The following ADAMTS2 variants were observed in gnomAD, a reference collection of about 807,000 sequenced individuals.
ADAMTS2 encodes ADAM metallopeptidase with thrombospondin type 1 motif 2.
A neutral mutation model predicts 123.0 loss-of-function variants in ADAMTS2; 50 were observed. The ratio of observed to expected loss-of-function variants is 0.41; its 90% CI spans 0.32 to 0.51. The LOEUF (loss-of-function observed/expected upper bound fraction) is 0.51. Among genes scored for constraint, ADAMTS2 ranks in the 20% least tolerant of loss-of-function variants. The pLI, the probability that ADAMTS2 is intolerant of heterozygous loss-of-function variation, is 0.35. For missense variants in ADAMTS2, 1,494 were observed against 1,705.2 expected, an observed-to-expected ratio of 0.88 and a Z score of 2.18; for synonymous variants, 678 against 695.4, an observed-to-expected ratio of 0.98 and a Z score of 0.39.
At position 179,129,850 on chromosome 5, in the gene ADAMTS2, A is replaced by T; in HGVS notation, c.2457+82T>A. On this transcript the variant is annotated intron_variant, in intron 16 of 21. Transcript: ENST00000251582. The surrounding 1 kb of genome is among the most constrained non-coding windows in gnomAD (Gnocchi z 4.1). The stretch of plus-strand genomic sequence containing the variant: ...GCAGAGTGTCACCTGAAGGGTCAGG[A>T]GGCTCAGCGTCCCAGGCACCCCCAT... 1 of 1,575,568 alleles carries T rather than the reference A, an allele frequency of 6.3e-7. No individual in the cohort carries two copies. Among genetic ancestry groups the T allele is most frequent in the Non-Finnish European group, 8.7e-7 (1 of 1,155,358 alleles).
At chr5:179,320,748 T>C (rs1757146169) in intron 2 of ADAMTS2, among the ~76,000 whole-genome samples, 1 of 152,224 alleles carries the variant, frequency 6.6e-6, no homozygotes, top group South Asian at 2.1e-4. Flanking sequence ...TCTGACTACA[T>C]GAACATAGCT....
rs1765323366 is a variant in ADAMTS2 at position 179,227,898 on chromosome 5, G to A, written c.689-20183C>T. On this transcript the variant is annotated intron_variant, in intron 3 of 21. Coordinates refer to ENST00000251582, the MANE Select transcript of ADAMTS2 (RefSeq NM_014244.5). ...GAGCCAGGAAGGAGGGTGGAAGGCA[G>A]GGGAGGCAGCGTGTGGACAAAGACT... Among the ~76,000 whole-genome samples the A allele has an allele frequency of 2.6e-5, 4 of 152,276 alleles. No homozygotes were observed. The South Asian group carries it at 8.3e-4, about 32-fold the overall frequency.
At chr5:179,223,562 A>G (rs1326855450) in intron 3 of ADAMTS2, among the ~76,000 whole-genome samples, 5 of 145,944 alleles carry the variant, frequency 3.4e-5, no homozygotes, top group Non-Finnish European at 4.5e-5. Flanking sequence ...ACTCACACAC[A>G]CGCGAATGCA....
At position 179,154,095 on chromosome 5, in the gene ADAMTS2, A is replaced by G; in HGVS notation, c.1336T>C (p.Phe446Leu). The change falls in exon 8 of 22, where the codon TTC becomes CTC. Residue 446 changes from phenylalanine to leucine, a missense_variant. By Grantham distance (22) the Phe-to-Leu change is conservative. Around this residue, in one of 6 missense-constraint regions of ADAMTS2, gnomAD observed 953 missense variants for 1,124.7 expected, o/e 0.85. Coordinates refer to ENST00000251582, the MANE Select transcript of ADAMTS2 (RefSeq NM_014244.5). ...APLVQAAFHR[F>L]HWSRCSQQEL... Reference sequence around the variant, plus strand: ...TGCTGGCTGCAGCGGGACCAGTGGAAGCGGTGGAAGGCGGCCTGCACCAGG... The same window carrying G: ...TGCTGGCTGCAGCGGGACCAGTGGAGGCGGTGGAAGGCGGCCTGCACCAGG... The G allele has an allele frequency of 6.2e-7, 1 of 1,603,684 alleles. No homozygotes were observed. The highest frequency in any genetic ancestry group is 8.5e-7 in the Non-Finnish European group (1 of 1,178,268).
intron 18 of ADAMTS2, among the ~76,000 whole-genome samples, chr5:179,125,688 G>C (rs1762842238): frequency 6.6e-6 from 1 of 152,252 alleles, no homozygotes; most frequent in Non-Finnish European, 1.5e-5. Context: ...GAACGTCAAA[G>C]CCACTGCTTA....
intron 10 of ADAMTS2, among the ~76,000 whole-genome samples, chr5:179,144,904 C>A (rs1274945820): frequency 6.6e-6 from 1 of 152,190 alleles, no homozygotes; most frequent in Admixed American, 6.5e-5. Context: ...AAATTAAACA[C>A]TTTTGCACCT....
chr5:179,247,366 A>G (rs1036243278), intron 3 of ADAMTS2, among the ~76,000 whole-genome samples: 3 of 152,126 alleles, frequency 2.0e-5, no homozygotes, highest in Admixed American at 6.5e-5. Context: ...AGAATGAGGA[A>G]AAAGGAACAG....
intron 2 of ADAMTS2, among the ~76,000 whole-genome samples, chr5:179,342,643 C>T (rs1319935889): frequency 1.3e-5 from 2 of 152,210 alleles, no homozygotes; most frequent in Non-Finnish European, 2.9e-5. Context: ...GCCACTCACT[C>T]GGGGCAGGAG....
At position 179,207,411 on chromosome 5, in the gene ADAMTS2, G is replaced by A. The variant is rs140960819; in HGVS notation, c.891+102C>T. ...CTCACCTCCGGCTAACAAGGAAATC[G>A]GCAGAGCCTCAGGGGACCTGGCCCA... On this transcript the variant is annotated intron_variant, in intron 4 of 21. Coordinates refer to ENST00000251582, the MANE Select transcript of ADAMTS2 (RefSeq NM_014244.5). 1.7e-3 allele frequency: 2,162 copies of A among 1,253,832 alleles called. 16 individuals are homozygous for A. Among genetic ancestry groups the A allele is most frequent in the African/African-American group, 0.014 (968 of 68,170 alleles). The allele number at this position is 1,253,832 out of a possible 1,614,324, so 77.7% of individuals were successfully genotyped here.
chr5:179,283,309 C>T (rs1483532762), intron 2 of ADAMTS2, among the ~76,000 whole-genome samples: 1 of 151,594 alleles, frequency 6.6e-6, no homozygotes, highest in African/African-American at 2.4e-5. Flanking sequence ...CAAACAAGCC[C>T]ACAACAATCA....
In ADAMTS2 at chr5:179,230,280, T is replaced by C. The variant is rs937624251; in HGVS notation, c.689-22565A>G. 2.6e-5 allele frequency among the ~76,000 whole-genome samples: 4 copies of C among 152,052 alleles called. No individual in the cohort carries two copies. In the South Asian group the frequency reaches 8.3e-4, roughly 32 times the overall value. ...GAGGCAGAGGATGGGCAATGTGGGA[T>C]TACCAGAAAGTGCGGTCTGGACATC... On this transcript the variant is annotated intron_variant, in intron 3 of 21. Coordinates refer to ENST00000251582, the MANE Select transcript of ADAMTS2 (RefSeq NM_014244.5).
intron 15 of ADAMTS2, among the ~76,000 whole-genome samples, chr5:179,131,657 G>A (rs1762965133): frequency 1.3e-5 from 2 of 152,068 alleles, no homozygotes; most frequent in Non-Finnish European, 2.9e-5. Context: ...CCTCCCGCGT[G>A]GCCTGGGAGG....
rs557427467 is a variant in ADAMTS2, at chr5:179,314,973, C to T, written c.534+28794G>A. 7.4e-4 allele frequency among the ~76,000 whole-genome samples: 113 copies of T among 152,228 alleles called. No individual in the cohort carries two copies. The highest frequency in any genetic ancestry group is 2.6e-3 in the African/African-American group (106 of 41,534). ...CCCAGAGCCTAATCACAGCCAGCTACGCCCCCTTCTCCCAGTTATTCAAGC... is the reference window on the plus strand; with the variant it reads ...CCCAGAGCCTAATCACAGCCAGCTATGCCCCCTTCTCCCAGTTATTCAAGC... On this transcript the variant is annotated intron_variant, in intron 2 of 21. Transcript: ENST00000251582. This position sits in a 1 kb window ranked among gnomAD's most constrained non-coding sequence, Gnocchi z 4.5.
At chr5:179,327,920 C>G (rs2095698001) in intron 2 of ADAMTS2, among the ~76,000 whole-genome samples, 1 of 152,096 alleles carries the variant, frequency 6.6e-6, no homozygotes, top group African/African-American at 2.4e-5. Flanking sequence ...AAAAAAGGAA[C>G]CAAATAATAA....
chr5:179,153,631 G>A lies in ADAMTS2; in HGVS notation c.1383-8C>T, dbSNP rs748944006. The A allele has an allele frequency of 3.7e-6, 6 of 1,600,514 alleles. No individual in the cohort carries two copies. In the African/African-American group the frequency reaches 8.0e-5, roughly 21 times the overall value. ...AGCAGGCAGTCATAGGAGCTGTGGGGGACACACGGTGCCGCGAGCAGCCTT... is the reference window on the plus strand; with the variant it reads ...AGCAGGCAGTCATAGGAGCTGTGGGAGACACACGGTGCCGCGAGCAGCCTT... On this transcript the variant is annotated splice_polypyrimidine_tract_variant and splice_region_variant and intron_variant, in intron 8 of 21. Transcript: ENST00000251582.
chr5:179,305,497 T>A (rs866289714), intron 2 of ADAMTS2, among the ~76,000 whole-genome samples: 4 of 152,198 alleles, frequency 2.6e-5, no homozygotes, highest in Middle Eastern at 3.4e-3. Context: ...TTTATTATAA[T>A]CCCTGGAGCA....
chr5:179,156,707 A>G (rs559664593), intron 6 of ADAMTS2, among the ~76,000 whole-genome samples: 1 of 152,094 alleles, frequency 6.6e-6, no homozygotes, highest in East Asian at 1.9e-4. Flanking sequence ...TTTTATACAA[A>G]TGGTTTGTTG....
chr5:179,242,290 G>C lies in ADAMTS2; in HGVS notation c.688+30621C>G, dbSNP rs1234447573. 6.6e-6 allele frequency among the ~76,000 whole-genome samples: 1 copy of C among 152,158 alleles called. No homozygotes were observed. Among genetic ancestry groups the C allele is most frequent in the Non-Finnish European group, 1.5e-5 (1 of 68,028 alleles). On this transcript the variant is annotated intron_variant, in intron 3 of 21. Transcript: ENST00000251582. The surrounding 1 kb of genome is among the most constrained non-coding windows in gnomAD (Gnocchi z 4.2). ...CCTGCTGTCTTGCTCGCGTGTGCCAGCAAATCTCCTTTTCTTGGCTTAATT... is the reference window on the plus strand; with the variant it reads ...CCTGCTGTCTTGCTCGCGTGTGCCACCAAATCTCCTTTTCTTGGCTTAATT...
chr5:179,232,779 C>CT (rs70997671), intron 3 of ADAMTS2, among the ~76,000 whole-genome samples: 56 of 148,926 alleles, frequency 3.8e-4, no homozygotes, highest in East Asian at 1.4e-3. Flanking sequence ...AGCACAATAC[C>CT]TTTTTTTTTT....
Sources: allele counts gnomAD v4.1 joint callset (sites outside exome capture counted in the v4.1 genomes callset), GRCh38; gene constraint gnomAD v4.1.1; regional missense constraint gnomAD v4.1.1; non-coding constraint Gnocchi (gnomAD v3.1); transcripts MANE v1.5; gene names NCBI Gene and HGNC (gene_info 2026-07-23, HGNC 2026-07-21).